The following LRRTM4 variants were observed in gnomAD, a reference collection of about 807,000 sequenced individuals.
The protein encoded by LRRTM4 is leucine rich repeat transmembrane neuronal 4.
Under a neutral mutation model 47.6 loss-of-function variants are expected in LRRTM4, and 25 were observed. The observed-to-expected ratio is 0.53, with a 90% CI of 0.38 to 0.73. The LOEUF is 0.73. LRRTM4 is among the 30% of genes least tolerant of loss of function. The probability of loss-of-function intolerance (pLI) is 0.00; values close to 1 mark genes in which losing one functional copy is unlikely to be tolerated. For synonymous variants in LRRTM4, 311 were observed against 269.5 expected, an observed-to-expected ratio of 1.15 and a Z score of -1.51; for missense variants, 638 against 713.4, an observed-to-expected ratio of 0.89 and a Z score of 1.20.
At chr2:77,286,814 A>C (rs1298671019) in intron 3 of LRRTM4, among the ~76,000 whole-genome samples, 1 of 152,132 alleles carries the variant, frequency 6.6e-6, no homozygotes, top group Non-Finnish European at 1.5e-5. Flanking sequence ...ACTCTAATTG[A>C]GGATTATGGG....
intron 3 of LRRTM4, among the ~76,000 whole-genome samples, chr2:77,018,195 T>G (rs927076606): frequency 6.7e-6 from 1 of 150,260 alleles, no homozygotes; most frequent in African/African-American, 2.5e-5. Context: ...CAAAGAAAAA[T>G]TTTTTTTGTT....
intron 3 of LRRTM4, among the ~76,000 whole-genome samples, chr2:77,433,689 G>GA (rs1423194775): frequency 1.3e-5 from 2 of 152,032 alleles, no homozygotes; most frequent in African/African-American, 2.4e-5. Flanking sequence ...AGCAGACATT[G>GA]AAAAACCAAA....
At chr2:77,177,922 A>G (rs1346207655) in intron 3 of LRRTM4, among the ~76,000 whole-genome samples, 1 of 152,206 alleles carries the variant, frequency 6.6e-6, no homozygotes, top group Admixed American at 6.5e-5. Flanking sequence ...GTTTTAAGCA[A>G]CACAATTCCT....
rs191493449 is a variant in LRRTM4 at position 76,852,911 on chromosome 2, C to T, written c.1552-103995G>A. On this transcript the variant is annotated intron_variant, in intron 3 of 3. Coordinates refer to ENST00000409884, the MANE Select transcript of LRRTM4 (RefSeq NM_001134745.3). ...AGGCTAGAAATTAATTGAAAAGTGA[C>T]CTTTCTTTCAGACAGGGAAGAATTG... Among the ~76,000 whole-genome samples the T allele has an allele frequency of 5.3e-5, 8 of 152,174 alleles. No individual in the cohort carries two copies. In the East Asian group the frequency reaches 1.2e-3, roughly 22 times the overall value.
At chr2:76,917,602 T>C (rs921255133) in intron 3 of LRRTM4, among the ~76,000 whole-genome samples, 1 of 152,072 alleles carries the variant, frequency 6.6e-6, no homozygotes, top group East Asian at 1.9e-4. Context: ...ATCAAGATGA[T>C]AAAATTAAGC....
At chr2:77,318,618 T>G (rs1677690736) in intron 3 of LRRTM4, among the ~76,000 whole-genome samples, 1 of 152,136 alleles carries the variant, frequency 6.6e-6, no homozygotes, top group African/African-American at 2.4e-5. Context: ...ATAGGATAGT[T>G]TATCTAATTT....
intron 3 of LRRTM4, among the ~76,000 whole-genome samples, chr2:77,341,352 T>G (rs1378665280): frequency 6.6e-6 from 1 of 151,992 alleles, no homozygotes; most frequent in Non-Finnish European, 1.5e-5. Context: ...TTTGGCTTTG[T>G]CTGGTATATA....
At chr2:76,772,836 T>G (rs1673770764) in intron 3 of LRRTM4, 2 of 152,198 alleles carry the variant, frequency 1.3e-5, no homozygotes, top group Admixed American at 6.5e-5. Flanking sequence ...TCTCTTATTG[T>G]GACTAATTTA....
chr2:76,856,188 A>T (rs1420992434), intron 3 of LRRTM4, among the ~76,000 whole-genome samples: 1 of 152,128 alleles, frequency 6.6e-6, no homozygotes, highest in African/African-American at 2.4e-5. Flanking sequence ...GAGGCAAGAG[A>T]ATCCCTTGAA....
intron 3 of LRRTM4, among the ~76,000 whole-genome samples, chr2:76,880,155 T>C (rs542343792): frequency 3.3e-5 from 5 of 152,250 alleles, no homozygotes; most frequent in East Asian, 1.9e-4. Context: ...TTTGAGAGGG[T>C]TGACCCCAGT....
At chr2:76,782,249 A>G (rs1674436253) in intron 3 of LRRTM4, among the ~76,000 whole-genome samples, 1 of 152,126 alleles carries the variant, frequency 6.6e-6, no homozygotes, top group South Asian at 2.1e-4. Flanking sequence ...TCCTTTTTTT[A>G]CAGTGGTCCT....
At chr2:77,193,114 T>C (rs562578491) in intron 3 of LRRTM4, among the ~76,000 whole-genome samples, 1 of 152,322 alleles carries the variant, frequency 6.6e-6, no homozygotes, top group African/African-American at 2.4e-5. Context: ...TTTGTAATGC[T>C]TGGATACGCA....
intron 3 of LRRTM4, among the ~76,000 whole-genome samples, chr2:77,131,097 G>A (rs1281840276): frequency 6.6e-6 from 1 of 151,802 alleles, no homozygotes; most frequent in Non-Finnish European, 1.5e-5. Flanking sequence ...GCCTCCCAAA[G>A]TGCTGGGATT....
At chr2:77,143,827 A>G (rs927727680) in intron 3 of LRRTM4, among the ~76,000 whole-genome samples, 3 of 152,144 alleles carry the variant, frequency 2.0e-5, no homozygotes, top group African/African-American at 7.2e-5. Context: ...TTGCAGGTAG[A>G]CTTGGACAAT....
chr2:76,979,667 T>C (rs1053102802), intron 3 of LRRTM4, among the ~76,000 whole-genome samples: 4 of 141,012 alleles, frequency 2.8e-5, no homozygotes, highest in African/African-American at 1.1e-4. Context: ...TGGTTGTGTT[T>C]GAATCACAGC....
intron 3 of LRRTM4, among the ~76,000 whole-genome samples, chr2:77,171,146 A>AT (rs2103834047): frequency 6.6e-6 from 1 of 152,132 alleles, no homozygotes; most frequent in African/African-American, 2.4e-5. Context: ...TTGGGAGATA[A>AT]TTTTTGTGCA....
intron 3 of LRRTM4, among the ~76,000 whole-genome samples, chr2:77,500,961 T>A (rs1028123367): frequency 6.6e-6 from 1 of 151,440 alleles, no homozygotes. Context: ...TATAATATTT[T>A]TTGAGAAGAA....
chr2:77,417,557 C>T (rs1217986912), intron 3 of LRRTM4, among the ~76,000 whole-genome samples: 2 of 152,118 alleles, frequency 1.3e-5, no homozygotes, highest in African/African-American at 4.8e-5. Context: ...GAACACTATG[C>T]AGCCATAAAA....
chr2:76,980,495 G>A (rs1436712907), intron 3 of LRRTM4, among the ~76,000 whole-genome samples: 3 of 152,048 alleles, frequency 2.0e-5, no homozygotes, highest in Non-Finnish European at 4.4e-5. Flanking sequence ...TACCTTATGT[G>A]TCACTTGCAG....
Sources: gnomAD v4.1 joint callset for allele counts (sites outside exome capture counted in the v4.1 genomes callset) on GRCh38, gnomAD v4.1.1 for gene constraint, MANE v1.5 for transcripts, NCBI Gene and HGNC (gene_info 2026-07-23, HGNC 2026-07-21) for gene names.